Variants in PDE11A observed in about 807,000 individuals in gnomAD.
PDE11A encodes phosphodiesterase 11A.
In PDE11A, 100 loss-of-function variants were observed where a neutral mutation model predicts 100.5. The observed-to-expected ratio is 1.00, with a 90% confidence interval of 0.85 to 1.18. The LOEUF is 1.18. Ranked by LOEUF, PDE11A falls within the 50% of genes most tolerant of loss-of-function variation. The probability of loss-of-function intolerance (pLI) is 0.00; values close to 1 mark genes in which losing one functional copy is unlikely to be tolerated. For missense variants in PDE11A, 1,141 were observed against 1,152.6 expected, an observed-to-expected ratio of 0.99 and a Z score of 0.15; for synonymous variants, 381 against 420.8, an observed-to-expected ratio of 0.91 and a Z score of 1.16.
At chr2:177,965,688 C>T (rs944103773) in intron 2 of PDE11A, among the ~76,000 whole-genome samples, 8 of 152,100 alleles carry the variant, frequency 5.3e-5, no homozygotes, top group African/African-American at 1.9e-4. Context: ...GGCTTTATTT[C>T]TGGGTTCTCT....
intron 5 of PDE11A, 40 bp downstream of exon 5, chr2:177,875,819 A>C (rs1558986111): frequency 7.3e-7 from 1 of 1,365,604 alleles, no homozygotes; most frequent in Admixed American, 1.7e-5. Context: ...CACCAAGGAC[A>C]AAAGAACATC....
At chr2:177,724,648 G>T (rs933835082) in intron 12 of PDE11A, among the ~76,000 whole-genome samples, 1 of 152,138 alleles carries the variant, frequency 6.6e-6, no homozygotes, top group African/African-American at 2.4e-5. Flanking sequence ...CAAGGTGGCA[G>T]TCATAAAACA....
intron 2 of PDE11A, among the ~76,000 whole-genome samples, chr2:177,914,855 T>C (rs940824833): frequency 6.6e-6 from 1 of 152,216 alleles, no homozygotes; most frequent in African/African-American, 2.4e-5. Context: ...CTGTCTCGTT[T>C]ATCAAACTCC....
intron 9 of PDE11A, among the ~76,000 whole-genome samples, chr2:177,794,089 A>G (rs2082671595): frequency 1.3e-5 from 2 of 152,054 alleles, no homozygotes; most frequent in African/African-American, 2.4e-5. Flanking sequence ...AATAAGGAAA[A>G]GGTAGTGTAT....
At chr2:177,700,297 C>T (rs1444874595) in intron 14 of PDE11A, among the ~76,000 whole-genome samples, 1 of 151,424 alleles carries the variant, frequency 6.6e-6, no homozygotes, top group Non-Finnish European at 1.5e-5. Flanking sequence ...TTTAATGATG[C>T]TATTCTAGTG....
chr2:177,813,130 C>G (rs1558950742), intron 9 of PDE11A, among the ~76,000 whole-genome samples: 1 of 100,448 alleles, frequency 1.0e-5, no homozygotes, highest in Non-Finnish European at 2.0e-5. Flanking sequence ...GCTGGCTTAT[C>G]CCTTTTAAAC....
At chr2:177,872,083 G>A (rs1392331175) in intron 5 of PDE11A, among the ~76,000 whole-genome samples, 1 of 152,036 alleles carries the variant, frequency 6.6e-6, no homozygotes, top group African/African-American at 2.4e-5. Flanking sequence ...ACTGTTCATT[G>A]CCCTTGAGAT....
chr2:177,737,448 C>CACACACACACACACACACAG (rs1280942455), intron 10 of PDE11A, among the ~76,000 whole-genome samples: 1 of 148,698 alleles, frequency 6.7e-6, no homozygotes, highest in South Asian at 2.2e-4. Context: ...CACACACACA[C>CACACACACACACACACACAG]AAATTAGCCA....
At chr2:177,669,041 T>A (rs918305446) in intron 18 of PDE11A, among the ~76,000 whole-genome samples, 4 of 152,202 alleles carry the variant, frequency 2.6e-5, no homozygotes, top group Admixed American at 2.0e-4. Context: ...CAGGTGAAAC[T>A]TTTTCATTTT....
intron 12 of PDE11A, among the ~76,000 whole-genome samples, chr2:177,722,407 G>A (rs1318881380): frequency 6.6e-6 from 1 of 152,138 alleles, no homozygotes; most frequent in Admixed American, 6.6e-5. Flanking sequence ...TCCTGTGAGA[G>A]GAAATGGATT....
At chr2:177,732,060 G>T (rs1362505006) in intron 10 of PDE11A, among the ~76,000 whole-genome samples, 1 of 152,188 alleles carries the variant, frequency 6.6e-6, no homozygotes, top group East Asian at 1.9e-4. Flanking sequence ...TACCTAGAAT[G>T]GTCAGCTTGG....
At chr2:177,945,833 G>T (rs2085413405) in intron 2 of PDE11A, among the ~76,000 whole-genome samples, 1 of 105,256 alleles carries the variant, frequency 9.5e-6, no homozygotes, top group Non-Finnish European at 2.3e-5. Flanking sequence ...AGGTGGGGGG[G>T]TCAGCCCCCC....
chr2:177,683,598 G>C (rs979041636), intron 15 of PDE11A: 8 of 152,284 alleles, frequency 5.3e-5, no homozygotes, highest in Admixed American at 4.6e-4. Flanking sequence ...GTGGGAACCT[G>C]GGATTCAGTC....
chr2:177,936,974 C>A (rs932198554), intron 2 of PDE11A, among the ~76,000 whole-genome samples: 3 of 151,892 alleles, frequency 2.0e-5, no homozygotes, highest in Non-Finnish European at 4.4e-5. Context: ...ATTTTAATAT[C>A]TTTTTGATAC....
chr2:177,791,421 A>C (rs1432849626), intron 9 of PDE11A, among the ~76,000 whole-genome samples: 3 of 149,440 alleles, frequency 2.0e-5, no homozygotes, highest in Non-Finnish European at 4.5e-5. Flanking sequence ...TAGCATTAGG[A>C]GATATACCTA....
At chr2:177,967,200 CT>C (rs34293348) in intron 2 of PDE11A, among the ~76,000 whole-genome samples, 50,222 of 106,190 alleles carry the variant, frequency 0.47, 11,538 homozygotes, top group African/African-American at 0.69. Flanking sequence ...TCTCCTTTGT[CT>C]TTTTTTTTTT....
intron 15 of PDE11A, among the ~76,000 whole-genome samples, chr2:177,693,762 T>G (rs1574051113): frequency 1.3e-5 from 2 of 152,292 alleles, no homozygotes; most frequent in East Asian, 3.9e-4. Flanking sequence ...GGGTTCCAGT[T>G]TTACCAATAA....
intron 6 of PDE11A, among the ~76,000 whole-genome samples, chr2:177,830,934 C>T (rs1410179576): frequency 6.6e-6 from 1 of 152,040 alleles, no homozygotes; most frequent in Non-Finnish European, 1.5e-5. Context: ...TTCATAAGGT[C>T]GCAGAATTTA....
At chr2:177,782,496 G>A (rs896492540) in intron 9 of PDE11A, among the ~76,000 whole-genome samples, 4 of 152,124 alleles carry the variant, frequency 2.6e-5, no homozygotes, top group African/African-American at 7.2e-5. Context: ...TAAGATCAAC[G>A]TGAACCCCTA....
Sources: gnomAD v4.1 joint callset for allele counts (sites outside exome capture counted in the v4.1 genomes callset) on GRCh38, gnomAD v4.1.1 for gene constraint, MANE v1.5 for transcripts, NCBI Gene and HGNC (gene_info 2026-07-23, HGNC 2026-07-21) for gene names.